NTM: variants seen among roughly 807,000 people sequenced by gnomAD.
NTM encodes the protein IgLON family member 2.
Under a neutral mutation model 42.1 loss-of-function variants are expected in NTM, and 13 were observed. The observed-to-expected ratio is 0.31, with a 90% CI of 0.20 to 0.49. The LOEUF is 0.49. Ranked by LOEUF, NTM falls within the 20% of genes least tolerant of loss-of-function variation. NTM has a pLI of 0.99. For synonymous variants in NTM, 187 were observed against 179.2 expected (o/e 1.04, Z -0.35); for missense variants, 373 against 452.8 (o/e 0.82, Z 1.60).
intron 1 of NTM, among the ~76,000 whole-genome samples, chr11:131,806,259 T>A (rs2092474994): frequency 6.6e-6 from 1 of 152,216 alleles, no homozygotes; most frequent in African/African-American, 2.4e-5. Flanking sequence ...GAATTGTTTA[T>A]ATGCACTCAA....
chr11:132,181,067 C>A (rs924720436), intron 3 of NTM, among the ~76,000 whole-genome samples: 1 of 152,112 alleles, frequency 6.6e-6, no homozygotes, highest in African/African-American at 2.4e-5. Flanking sequence ...TGCCTATTGC[C>A]AAATCTCATG....
At position 131,997,617 on chromosome 11, in the gene NTM, A is replaced by G. The variant is rs1226218976; in HGVS notation, c.167+85969A>G. ...TTTCTGAACCATGTGGAACACTTGTAATGATCTGAACTGTGTTTCTCTCCA... is the reference window on the plus strand; with the variant it reads ...TTTCTGAACCATGTGGAACACTTGTGATGATCTGAACTGTGTTTCTCTCCA... On this transcript the variant is annotated intron_variant, in intron 2 of 8. Coordinates refer to ENST00000683400, the MANE Select transcript of NTM (RefSeq NM_001352005.2). 3.9e-5 allele frequency among the ~76,000 whole-genome samples: 6 copies of G among 152,288 alleles called. No individual in the cohort carries two copies. The South Asian group carries it at 8.3e-4, about 21-fold the overall frequency.
At chr11:131,505,637 G>A (rs937733989) in intron 1 of NTM, among the ~76,000 whole-genome samples, 11 of 152,176 alleles carry the variant, frequency 7.2e-5, no homozygotes, top group African/African-American at 2.7e-4. Context: ...CCAGATATCA[G>A]TCCTTCACCA....
At chr11:132,170,069 C>T (rs1191202722) in intron 3 of NTM, among the ~76,000 whole-genome samples, 2 of 152,168 alleles carry the variant, frequency 1.3e-5, no homozygotes, top group Non-Finnish European at 2.9e-5. Context: ...AACTACAAAC[C>T]TTCAGATGCT....
chr11:131,800,509 T>C (rs1421456717), intron 1 of NTM, among the ~76,000 whole-genome samples: 2 of 152,242 alleles, frequency 1.3e-5, no homozygotes, highest in African/African-American at 4.8e-5. Context: ...GCTAAAGAAA[T>C]TGCATGAATA....
chr11:132,293,940 C>T (rs373303322), intron 4 of NTM, among the ~76,000 whole-genome samples: 72 of 152,216 alleles, frequency 4.7e-4, no homozygotes, highest in East Asian at 2.7e-3. Context: ...TTATAGAAAA[C>T]GTTGGCTGAC....
At chr11:132,043,956 C>CTGTGTG (rs1389188401) in intron 2 of NTM, among the ~76,000 whole-genome samples, 3 of 98,998 alleles carry the variant, frequency 3.0e-5, no homozygotes, top group African/African-American at 1.2e-4. Context: ...CAGACACCAA[C>CTGTGTG]TATGTGTGTG....
intron 1 of NTM, among the ~76,000 whole-genome samples, chr11:131,748,115 A>G (rs1406950810): frequency 1.3e-5 from 2 of 152,262 alleles, no homozygotes; most frequent in Non-Finnish European, 2.9e-5. Context: ...TCAATTAGGT[A>G]TTAGAATTGT....
chr11:131,824,569 TG>T (rs142062740), intron 1 of NTM, among the ~76,000 whole-genome samples: 1 of 152,336 alleles, frequency 6.6e-6, no homozygotes, highest in East Asian at 1.9e-4. Flanking sequence ...GAATGTGTAT[TG>T]ATGTAAGCAT....
At chr11:131,712,564 A>G (rs2077283840) in intron 1 of NTM, among the ~76,000 whole-genome samples, 1 of 151,902 alleles carries the variant, frequency 6.6e-6, no homozygotes, top group South Asian at 2.1e-4. Context: ...ACTTCTTTGC[A>G]TTTTCAAAAT....
rs368950659 is a variant in NTM at position 132,184,226 on chromosome 11, C to A, written c.401-27796C>A. Among the ~76,000 whole-genome samples the A allele has an allele frequency of 1.2e-4, 18 of 152,280 alleles. 1 individual carries two copies. Among genetic ancestry groups the A allele is most frequent in the African/African-American group, 4.1e-4 (17 of 41,564 alleles). On this transcript the variant is annotated intron_variant, in intron 3 of 8. Transcript: ENST00000683400. ...TTCCCTGACACTTCTGCCTCCTCAC[C>A]AAGGCAGAGAAAAGAGGTCCTCTCT...
chr11:132,032,565 C>T (rs571936235), intron 2 of NTM, among the ~76,000 whole-genome samples: 6 of 152,276 alleles, frequency 3.9e-5, no homozygotes, highest in East Asian at 3.9e-4. Flanking sequence ...TAAGAGCCAT[C>T]GCTCTTCCTC....
intron 1 of NTM, among the ~76,000 whole-genome samples, chr11:131,570,933 T>A (rs1320516223): frequency 2.0e-5 from 3 of 152,178 alleles, no homozygotes; most frequent in Non-Finnish European, 4.4e-5. Context: ...CACCCCTGGC[T>A]CTCCAGAGGG....
intron 1 of NTM, among the ~76,000 whole-genome samples, chr11:131,562,140 A>G (rs2056315166): frequency 6.6e-6 from 1 of 152,042 alleles, no homozygotes; most frequent in Non-Finnish European, 1.5e-5. Context: ...GGGCAGAGAG[A>G]AGGAGGATGC....
chr11:131,801,831 A>G (rs2092140905), intron 1 of NTM, among the ~76,000 whole-genome samples: 1 of 151,874 alleles, frequency 6.6e-6, no homozygotes, highest in Non-Finnish European at 1.5e-5. Context: ...CTTTCTCTCA[A>G]TCTCCTTGAT....
intron 2 of NTM, among the ~76,000 whole-genome samples, chr11:131,920,800 T>C (rs1290687403): frequency 1.3e-5 from 2 of 152,178 alleles, no homozygotes; most frequent in Non-Finnish European, 2.9e-5. Flanking sequence ...AACAGACTGA[T>C]GGAAAATTAA....
chr11:132,045,263 A>C (rs2077825359), intron 2 of NTM, among the ~76,000 whole-genome samples: 1 of 152,178 alleles, frequency 6.6e-6, no homozygotes, highest in African/African-American at 2.4e-5. Context: ...TCTGGGAGGC[A>C]ACTGCCATTT....
intron 4 of NTM, among the ~76,000 whole-genome samples, chr11:132,253,849 A>G (rs563484093): frequency 2.0e-4 from 30 of 152,278 alleles, no homozygotes; most frequent in African/African-American, 6.7e-4. Context: ...CGGCCCCTCT[A>G]TGAGGAGGCA....
At chr11:132,192,591 C>A (rs1427418353) in intron 3 of NTM, among the ~76,000 whole-genome samples, 1 of 152,068 alleles carries the variant, frequency 6.6e-6, no homozygotes, top group African/African-American at 2.4e-5. Flanking sequence ...AGCAACTATG[C>A]AATCAAGTAT....
Sources: gnomAD v4.1 joint callset for allele counts (sites outside exome capture counted in the v4.1 genomes callset) on GRCh38, gnomAD v4.1.1 for gene constraint, MANE v1.5 for transcripts, NCBI Gene and HGNC (gene_info 2026-07-23, HGNC 2026-07-21) for gene names.